Variants in BANP observed in about 807,000 individuals in gnomAD.
The protein encoded by BANP is protein BANP.
Under a neutral mutation model 68.1 loss-of-function variants are expected in BANP, and 11 were observed. That is an observed-to-expected ratio of 0.16 (90% CI 0.10 to 0.27). The LOEUF (loss-of-function observed/expected upper bound fraction) is 0.27. Among genes scored for constraint, BANP ranks in the 10% least tolerant of loss-of-function variants. The pLI, the probability that BANP is intolerant of heterozygous loss-of-function variation, is 1.00. For missense variants in BANP, 504 were observed against 722.7 expected (o/e 0.70, Z 3.47); for synonymous variants, 329 against 303.2 (o/e 1.09, Z -0.88).
intron 6 of BANP, among the ~76,000 whole-genome samples, chr16:88,014,682 C>G (rs947969710): frequency 4.6e-5 from 7 of 151,998 alleles, no homozygotes; most frequent in Non-Finnish European, 7.4e-5. Flanking sequence ...GTCCCCACAC[C>G]ATCCTCGCAC....
intron 11 of BANP, among the ~76,000 whole-genome samples, chr16:88,041,313 C>G (rs1366794792): frequency 2.0e-5 from 3 of 152,222 alleles, no homozygotes; most frequent in African/African-American, 7.2e-5. Context: ...CAGCCAGCAG[C>G]AACGTCAGTT....
chr16:88,075,495 C>T (rs2091404168), intron 13 of BANP, among the ~76,000 whole-genome samples: 1 of 152,094 alleles, frequency 6.6e-6, no homozygotes, highest in African/African-American at 2.4e-5. Flanking sequence ...AGAGCAAGAC[C>T]CTATCTCTAA....
chr16:87,979,681 G>A (rs1032343054), intron 2 of BANP, among the ~76,000 whole-genome samples: 3 of 152,138 alleles, frequency 2.0e-5, no homozygotes, highest in Non-Finnish European at 4.4e-5. Flanking sequence ...CATTCCCAGC[G>A]GCCAGCATTC....
At chr16:87,950,994 T>A (rs1232791605), upstream of BANP, 2 of 151,898 alleles carry the variant, frequency 1.3e-5, no homozygotes, top group Admixed American at 1.3e-4. Flanking sequence ...CAACCCTTGG[T>A]GCGGGGACAG....
intron 1 of BANP, among the ~76,000 whole-genome samples, chr16:87,971,308 C>T (rs963797159): frequency 4.3e-4 from 65 of 152,294 alleles, no homozygotes; most frequent in Middle Eastern, 3.4e-3. Context: ...CTCCGCTAGC[C>T]GCTCTTCCCA....
At chr16:88,058,874 G>A (rs980123654) in intron 11 of BANP, among the ~76,000 whole-genome samples, 3 of 152,068 alleles carry the variant, frequency 2.0e-5, no homozygotes, top group South Asian at 2.1e-4. Flanking sequence ...CATTGTTTAC[G>A]TTGACTCCCA....
At chr16:87,977,177 G>A (rs2062315830) in intron 2 of BANP, among the ~76,000 whole-genome samples, 1 of 152,244 alleles carries the variant, frequency 6.6e-6, no homozygotes, top group Admixed American at 6.5e-5. Context: ...CACCTTGGGA[G>A]GCTGAGGCGG....
In BANP at chr16:87,988,980, A is replaced by G. The variant is rs181538826; in HGVS notation, c.362+4721A>G. Among the ~76,000 whole-genome samples, 1,060 of 152,326 alleles carry G rather than the reference A, an allele frequency of 7.0e-3. 7 individuals are homozygous for G. The highest frequency in any genetic ancestry group is 0.011 in the Non-Finnish European group (761 of 68,030). ...GTACTATCAGTGCTGAGAGCTGATT[A>G]TTCTTTCCTTTCACTCTCTGGAACA... On this transcript the variant is annotated intron_variant, in intron 4 of 13. Transcript: ENST00000682872.
chr16:87,960,568 A>G (rs1228000674), intron 1 of BANP, among the ~76,000 whole-genome samples: 2 of 152,232 alleles, frequency 1.3e-5, no homozygotes, highest in Non-Finnish European at 2.9e-5. Context: ...CCTGGTACCC[A>G]GTTTCTCCCG....
intron 1 of BANP, among the ~76,000 whole-genome samples, chr16:87,963,159 TGAG>T (rs2059477214): frequency 6.6e-6 from 1 of 152,160 alleles, no homozygotes; most frequent in African/African-American, 2.4e-5. Context: ...AGAAGCCGTC[TGAG>T]GAGAAGGGCG....
intron 1 of BANP, among the ~76,000 whole-genome samples, chr16:87,973,473 A>T (rs924525756): frequency 6.6e-6 from 1 of 152,140 alleles, no homozygotes; most frequent in African/African-American, 2.4e-5. Flanking sequence ...GAAATTCTAG[A>T]GCTGAGGCCG....
At position 88,058,165 on chromosome 16, in the gene BANP, G is replaced by A. The variant is rs149124281; in HGVS notation, c.1312-7102G>A. 2.5e-3 allele frequency among the ~76,000 whole-genome samples: 383 copies of A among 152,284 alleles called. 1 individual carries two copies. The highest frequency in any genetic ancestry group is 8.6e-3 in the African/African-American group (358 of 41,556). On this transcript the variant is annotated intron_variant, in intron 11 of 13. Coordinates refer to ENST00000682872, the MANE Select transcript of BANP (RefSeq NM_001386991.1). ...TGTGCCCGTGCCTGGTTAAAACGTT[G>A]AAGCTGGTGCTAAAGTGTGTTGAGG... is the stretch of plus-strand genomic sequence containing the variant.
At chr16:88,027,990 G>T (rs2077341028) in intron 8 of BANP, among the ~76,000 whole-genome samples, 1 of 152,368 alleles carries the variant, frequency 6.6e-6, no homozygotes, top group Non-Finnish European at 1.5e-5. Context: ...GGTGACTCCG[G>T]GTGAAGAAGT....
chr16:88,076,785 G>A lies in BANP; in HGVS notation c.*124G>A, dbSNP rs1272997748. On this transcript the variant is annotated 3_prime_UTR_variant, in exon 14 of 14. Transcript: ENST00000682872. ...GTGTTCTGCTGAAGTGCGTCTGAAG[G>A]CCGCTGCCTCCGCGGGGAACAGCAT... 20 of 768,058 alleles carry A rather than the reference G, an allele frequency of 2.6e-5. No homozygotes were observed. In the Admixed American group the frequency reaches 4.9e-4, roughly 19 times the overall value. The allele number at this position is 768,058 out of a possible 1,614,324, so 47.6% of individuals were successfully genotyped here.
intron 4 of BANP, among the ~76,000 whole-genome samples, chr16:87,994,647 A>G (rs1356838983): frequency 3.9e-5 from 6 of 152,086 alleles, no homozygotes; most frequent in Non-Finnish European, 7.4e-5. Flanking sequence ...TGACTTTTTA[A>G]TCTTTAGCGT....
chr16:88,052,307 T>G (rs569681569), intron 11 of BANP, among the ~76,000 whole-genome samples: 3 of 152,298 alleles, frequency 2.0e-5, no homozygotes, highest in African/African-American at 7.2e-5. Flanking sequence ...CTGCCTGCAT[T>G]AACTCAGGGG....
chr16:87,996,191 G>T (rs2067148037), intron 4 of BANP, among the ~76,000 whole-genome samples: 1 of 152,288 alleles, frequency 6.6e-6, no homozygotes, highest in Non-Finnish European at 1.5e-5. Context: ...TGTAGATCAG[G>T]TGGCTCTCTC....
intron 11 of BANP, among the ~76,000 whole-genome samples, chr16:88,038,600 C>T (rs1233727115): frequency 6.6e-6 from 1 of 152,132 alleles, no homozygotes; most frequent in Non-Finnish European, 1.5e-5. Flanking sequence ...GTCAAACTCA[C>T]AAACTTGCCA....
chr16:87,999,082 G>T (rs1454910811), intron 4 of BANP, among the ~76,000 whole-genome samples: 6 of 141,042 alleles, frequency 4.3e-5, no homozygotes, highest in Non-Finnish European at 1.5e-5. Context: ...GCACGCACGT[G>T]CGCGGCTGTA....
Sources: allele counts gnomAD v4.1 joint callset (sites outside exome capture counted in the v4.1 genomes callset), GRCh38; gene constraint gnomAD v4.1.1; transcripts MANE v1.5; gene names NCBI Gene and HGNC (gene_info 2026-07-23, HGNC 2026-07-21).